Variants in EHD2 observed in about 807,000 individuals in gnomAD.
The protein encoded by EHD2 is EH domain-containing protein 2.
Under a neutral mutation model 41.0 loss-of-function variants are expected in EHD2, and 27 were observed. The ratio of observed to expected loss-of-function variants is 0.66; its 90% CI spans 0.49 to 0.91. The LOEUF (loss-of-function observed/expected upper bound fraction) is 0.91, where lower values mean the gene tolerates loss of function less well. Among genes scored for constraint, EHD2 ranks in the 40% least tolerant of loss-of-function variants. The pLI is 0.00. For synonymous variants in EHD2, 342 were observed against 341.0 expected (o/e 1.00, Z -0.03); for missense variants, 673 against 773.9 (o/e 0.87, Z 1.55).
chr19:47,739,588 G>A (rs1380638351), intron 5 of EHD2, among the ~76,000 whole-genome samples: 3 of 108,276 alleles, frequency 2.8e-5, no homozygotes, highest in African/African-American at 3.7e-5. Context: ...GTGACAGAGC[G>A]AAACTCGTCA....
Position 47,716,564 on chromosome 19 carries a change from C to T in EHD2, c.-49C>T. ...CCCTCTCCCCCTCCCACAGGCAGCT[C>T]TCCATCTGCACGTCTCTCCGTGAAC... On this transcript the variant is annotated 5_prime_UTR_variant, in exon 2 of 6. Transcript: ENST00000263277. 6.9e-7 allele frequency: 1 copy of T among 1,450,204 alleles called. No homozygotes were observed. Among genetic ancestry groups the T allele is most frequent in the Non-Finnish European group, 9.1e-7 (1 of 1,104,042 alleles). 89.8% of individuals were successfully genotyped at this position (1,450,204 alleles called of 1,614,324 possible).
At chr19:47,731,314 A>ATATATATAT (rs1160770476) in intron 4 of EHD2, 1 of 113,992 alleles carries the variant, frequency 8.8e-6, no homozygotes, top group Admixed American at 9.6e-5. Flanking sequence ...ATATATATAT[A>ATATATATAT]ATTTTTTTTT....
intron 4 of EHD2, among the ~76,000 whole-genome samples, chr19:47,735,146 C>G (rs57955272): frequency 6.6e-6 from 1 of 152,336 alleles, no homozygotes; most frequent in East Asian, 1.9e-4. Flanking sequence ...GAGATGGGCA[C>G]AGCTGAGGGC....
chr19:47,741,419 G>T lies in EHD2; in HGVS notation c.1619G>T (p.Gly540Val), dbSNP rs763854717. The part of the protein sequence containing the change: ...LVPPSKRRHK[G>V]SAE ...CCACCCTCCAAGCGACGCCACAAGG[G>T]CTCCGCCGAGTGAGCCGGCCCCCCT... The change falls in exon 6 of 6, where the codon GGC becomes GTC. Residue 540 changes from glycine (G) to valine (V), a missense_variant. Coordinates refer to ENST00000263277, the MANE Select transcript of EHD2 (RefSeq NM_014601.4). This position sits in a 1 kb window ranked among gnomAD's most constrained non-coding sequence, Gnocchi z 4.5. 4.5e-6 allele frequency: 7 copies of T among 1,557,580 alleles called. No homozygotes were observed. Among genetic ancestry groups the T allele is most frequent in the Non-Finnish European group, 6.0e-6 (7 of 1,164,186 alleles).
chr19:47,716,759 C>A lies in EHD2; in HGVS notation c.147C>A (p.Ala49=). ...HYRFGAFHSP[A]LEDADFDGKP... ...GCTTTGGGGCCTTCCACTCGCCGGC[C>A]CTGGAGGACGCAGACTTCGACGGCA... Residue 49 remains alanine (A), a synonymous_variant, in exon 2 of 6, where the codon GCC becomes GCA. Transcript: ENST00000263277. 6.2e-7 allele frequency: 1 copy of A among 1,613,394 alleles called. No individual in the cohort carries two copies. Among genetic ancestry groups the A allele is most frequent in the South Asian group, 1.1e-5 (1 of 91,016 alleles).
chr19:47,737,861 AC>A (rs1966941717), intron 5 of EHD2, among the ~76,000 whole-genome samples: 1 of 144,032 alleles, frequency 6.9e-6, no homozygotes, highest in Non-Finnish European at 1.5e-5. Context: ...GGCACATGCC[AC>A]CATGCCTGGC....
At chr19:47,734,476 G>T (rs769001369) in intron 4 of EHD2, among the ~76,000 whole-genome samples, 4 of 152,202 alleles carry the variant, frequency 2.6e-5, no homozygotes, top group Non-Finnish European at 5.9e-5. Context: ...TCAAGAGCTG[G>T]GTACCGTGGC....
intron 4 of EHD2, among the ~76,000 whole-genome samples, chr19:47,733,699 C>A (rs1420031183): frequency 8.1e-6 from 1 of 123,318 alleles, no homozygotes; most frequent in East Asian, 2.3e-4. Flanking sequence ...TAAATAAAGT[C>A]ATTATTTGCA....
At chr19:47,736,145 G>C (rs1211590821) in intron 4 of EHD2, among the ~76,000 whole-genome samples, 3 of 152,072 alleles carry the variant, frequency 2.0e-5, no homozygotes, top group Non-Finnish European at 4.4e-5. Flanking sequence ...GCAGTGAGCC[G>C]AGATTGTGCT....
intron 2 of EHD2, among the ~76,000 whole-genome samples, chr19:47,717,561 A>G (rs1322736723): frequency 6.6e-6 from 1 of 152,190 alleles, no homozygotes; most frequent in Non-Finnish European, 1.5e-5. Context: ...GGCCTCAGGC[A>G]AATGACTTGA....
At chr19:47,718,484 C>T (rs1232823153) in intron 2 of EHD2, 25 bp from the exon 3 acceptor site, 2 of 1,552,300 alleles carry the variant, frequency 1.3e-6, no homozygotes, top group Admixed American at 1.9e-5. Context: ...TCCCTGTTGA[C>T]CCCTGACCCT....
At chr19:47,726,316 C>T in intron 4 of EHD2, 92 bp downstream of exon 4, 3 of 1,399,194 alleles carry the variant, frequency 2.1e-6, no homozygotes, top group Admixed American at 5.8e-5. Flanking sequence ...TTATCAGGGC[C>T]CAGGTTAGTT....
At position 47,741,537 on chromosome 19, in the gene EHD2, C is replaced by A. The variant is rs558911915; in HGVS notation, c.*105C>A. ...CGCCCTGCCTGCCCTCCCTGCCCAG[C>A]TGTAAGGACCGGGGGTCTCCCTCCT... is the stretch of plus-strand genomic sequence containing the variant. On this transcript the variant is annotated 3_prime_UTR_variant, in exon 6 of 6. Coordinates refer to ENST00000263277, the MANE Select transcript of EHD2 (RefSeq NM_014601.4). This position sits in a 1 kb window ranked among gnomAD's most constrained non-coding sequence, Gnocchi z 4.5. The A allele has an allele frequency of 2.3e-6, 3 of 1,322,850 alleles. No individual in the cohort carries two copies. The highest frequency in any genetic ancestry group is 2.5e-5 in the Admixed American group (1 of 40,400). The allele number at this position is 1,322,850 out of a possible 1,614,324, so 81.9% of individuals were successfully genotyped here.
intron 1 of EHD2, 50 bp from the exon 2 acceptor site, chr19:47,716,508 T>A: frequency 7.5e-7 from 1 of 1,330,898 alleles, no homozygotes; most frequent in South Asian, 1.6e-5. Context: ...GACCCCTTTC[T>A]TCCTCCTTGG....
chr19:47,738,425 C>T (rs1383537231), intron 5 of EHD2, among the ~76,000 whole-genome samples: 1 of 152,074 alleles, frequency 6.6e-6, no homozygotes, highest in Non-Finnish European at 1.5e-5. Context: ...GCCTCAGCCT[C>T]CCAAGTAGCT....
chr19:47,718,860 A>G (rs59623613), intron 3 of EHD2, among the ~76,000 whole-genome samples: 85 of 57,932 alleles, frequency 1.5e-3, no homozygotes, highest in African/African-American at 4.0e-3. Context: ...GGGAGGAGGG[A>G]CTGGGGTCTG....
At chr19:47,737,640 G>A (rs968822240) in intron 5 of EHD2, among the ~76,000 whole-genome samples, 2 of 151,848 alleles carry the variant, frequency 1.3e-5, no homozygotes, top group Non-Finnish European at 2.9e-5. Flanking sequence ...CTGTGTGACC[G>A]AGTAAGATTC....
Position 47,743,067 on chromosome 19 carries a change from A to G in EHD2, c.*1635A>G, listed in dbSNP as rs796176488. Reference sequence around the variant, plus strand: ...CACGCCCACCACTGTCCCCCACCCCATGGCTGGGAGGGGCCTCTGAACGGA... The same window carrying G: ...CACGCCCACCACTGTCCCCCACCCCGTGGCTGGGAGGGGCCTCTGAACGGA... On this transcript the variant is annotated 3_prime_UTR_variant, in exon 6 of 6. Transcript: ENST00000263277. The G allele has an allele frequency of 1.0e-4, 16 of 152,524 alleles. 1 individual carries two copies. The highest frequency in any genetic ancestry group is 3.8e-4 in the African/African-American group (16 of 41,570). 9.4% of individuals were successfully genotyped at this position (152,524 alleles called of 1,614,324 possible). A position where few individuals can be genotyped will look rare whatever the true frequency, so the allele number is the denominator to read the frequency against.
intron 2 of EHD2, among the ~76,000 whole-genome samples, chr19:47,717,863 G>A (rs1313865399): frequency 1.4e-5 from 2 of 146,642 alleles, no homozygotes; most frequent in East Asian, 2.0e-4. Flanking sequence ...AGCCGAGACC[G>A]TGCCACTGCA....
Sources: gnomAD v4.1 joint callset for allele counts (sites outside exome capture counted in the v4.1 genomes callset) on GRCh38, gnomAD v4.1.1 for gene constraint, Gnocchi (gnomAD v3.1) non-coding constraint, MANE v1.5 for transcripts, NCBI Gene and HGNC (gene_info 2026-07-23, HGNC 2026-07-21) for gene names.